The following SOX5 variants were observed in gnomAD, a reference collection of about 807,000 sequenced individuals.
SOX5 encodes transcription factor SOX-5.
In SOX5, 9 loss-of-function variants were observed where a neutral mutation model predicts 92.0. That is an observed-to-expected ratio of 0.10 (90% CI 0.06 to 0.17). SOX5 has a LOEUF of 0.17. SOX5 is among the 10% of genes least tolerant of loss of function. The pLI, the probability that SOX5 is intolerant of heterozygous loss-of-function variation, is 1.00. For missense variants in SOX5, 642 were observed against 944.5 expected, an observed-to-expected ratio of 0.68 and a Z score of 4.20; for synonymous variants, 344 against 336.3, an observed-to-expected ratio of 1.02 and a Z score of -0.25.
intron 1 of SOX5, among the ~76,000 whole-genome samples, chr12:24,493,174 T>C (rs1448248370): frequency 1.3e-5 from 2 of 152,144 alleles, no homozygotes; most frequent in Admixed American, 6.5e-5. Flanking sequence ...GGGATTTTAT[T>C]TATGGGTGGG....
intron 4 of SOX5, among the ~76,000 whole-genome samples, chr12:24,016,926 A>G (rs945910465): frequency 6.6e-6 from 1 of 152,198 alleles, no homozygotes. Flanking sequence ...AAACCACTTT[A>G]CTTTTCAGTT....
chr12:24,167,692 C>A (rs959221466), intron 4 of SOX5, among the ~76,000 whole-genome samples: 1 of 152,174 alleles, frequency 6.6e-6, no homozygotes, highest in Non-Finnish European at 1.5e-5. Flanking sequence ...AAAACAGCAA[C>A]GTATTATTCT....
At chr12:24,472,847 TACATAA>T (rs1944952992) in intron 1 of SOX5, among the ~76,000 whole-genome samples, 1 of 151,998 alleles carries the variant, frequency 6.6e-6, no homozygotes, top group South Asian at 2.1e-4. Flanking sequence ...AGCCATGAAC[TACATAA>T]ACATAATTTT....
intron 7 of SOX5, among the ~76,000 whole-genome samples, chr12:23,657,626 C>T (rs1199720887): frequency 6.6e-6 from 1 of 152,132 alleles, no homozygotes; most frequent in African/African-American, 2.4e-5. Flanking sequence ...TCTGGGCTTA[C>T]ACTTCAGGTT....
At chr12:24,136,973 G>A (rs1950162826) in intron 4 of SOX5, among the ~76,000 whole-genome samples, 1 of 152,076 alleles carries the variant, frequency 6.6e-6, no homozygotes, top group Admixed American at 6.5e-5. Context: ...CTCATACTGT[G>A]CTCCAAAAAT....
chr12:24,018,821 A>G (rs1426400386), intron 4 of SOX5, among the ~76,000 whole-genome samples: 2 of 152,112 alleles, frequency 1.3e-5, no homozygotes, highest in Non-Finnish European at 2.9e-5. Context: ...TAAATAAAAA[A>G]TAAAAGCAGA....
At chr12:23,755,870 G>GA (rs985523519) in intron 3 of SOX5, 146 bp from the exon 4 acceptor site, 20 of 532,474 alleles carry the variant, frequency 3.8e-5, no homozygotes, top group Non-Finnish European at 5.9e-5. Flanking sequence ...AACAGGGGTG[G>GA]AAAAAAAGAA....
chr12:24,545,005 T>C (rs775251133), intron 1 of SOX5, among the ~76,000 whole-genome samples: 1 of 152,228 alleles, frequency 6.6e-6, no homozygotes, highest in South Asian at 2.1e-4. Context: ...TAGAGTAATA[T>C]ATTTTTTATT....
At chr12:23,753,037 C>A (rs1293208472) in intron 4 of SOX5, among the ~76,000 whole-genome samples, 2 of 151,698 alleles carry the variant, frequency 1.3e-5, no homozygotes, top group Non-Finnish European at 2.9e-5. Flanking sequence ...AGTAGGTGAC[C>A]TTTACTAACT....
chr12:24,340,817 C>T (rs1251858675), intron 2 of SOX5, among the ~76,000 whole-genome samples: 1 of 152,162 alleles, frequency 6.6e-6, no homozygotes, highest in East Asian at 1.9e-4. Context: ...TTATTTTAAG[C>T]CCAGCAAGGG....
intron 2 of SOX5, among the ~76,000 whole-genome samples, chr12:23,891,696 G>A (rs868345440): frequency 6.6e-6 from 1 of 152,096 alleles, no homozygotes; most frequent in Non-Finnish European, 1.5e-5. Context: ...AAGAGAGAAT[G>A]TATTTCCTTA....
At chr12:24,506,784 C>CATTTTT (rs1390448641) in intron 1 of SOX5, among the ~76,000 whole-genome samples, 81 of 81,760 alleles carry the variant, frequency 9.9e-4, no homozygotes, top group African/African-American at 3.9e-3. Context: ...TCCAAATGGT[C>CATTTTT]TTTTTTTTTT....
chr12:23,899,511 GC>G (rs1244416005), intron 1 of SOX5, among the ~76,000 whole-genome samples: 1 of 152,046 alleles, frequency 6.6e-6, no homozygotes, highest in Non-Finnish European at 1.5e-5. Flanking sequence ...AACAATGTGA[GC>G]ATCTAGGCTG....
chr12:24,289,545 C>A (rs1946364047), intron 2 of SOX5, among the ~76,000 whole-genome samples: 1 of 121,544 alleles, frequency 8.2e-6, no homozygotes, highest in Non-Finnish European at 1.6e-5. Flanking sequence ...GCTCCGCCTC[C>A]CGGGTTCACG....
At chr12:23,971,026 T>C (rs1380155302) in intron 4 of SOX5, among the ~76,000 whole-genome samples, 3 of 147,480 alleles carry the variant, frequency 2.0e-5, no homozygotes, top group Non-Finnish European at 4.5e-5. Flanking sequence ...ACCTGAAATG[T>C]ATGAGGGCTC....
At chr12:24,011,820 T>C (rs186980218) in intron 4 of SOX5, among the ~76,000 whole-genome samples, 31 of 152,290 alleles carry the variant, frequency 2.0e-4, no homozygotes, top group Admixed American at 9.8e-4. Flanking sequence ...ACACTTATAC[T>C]AGGAGTCTTC....
intron 3 of SOX5, among the ~76,000 whole-genome samples, chr12:23,767,841 A>G (rs200376971): frequency 7.4e-6 from 1 of 135,188 alleles, no homozygotes; most frequent in Non-Finnish European, 1.6e-5. Flanking sequence ...ATATATATAT[A>G]TAATAAATGA....
At chr12:24,476,036 T>C (rs910050847) in intron 1 of SOX5, among the ~76,000 whole-genome samples, 5 of 147,158 alleles carry the variant, frequency 3.4e-5, no homozygotes, top group Non-Finnish European at 6.1e-5. Context: ...AATTTTACAA[T>C]CAACTCCTTG....
chr12:23,807,151 T>C (rs1342361710), intron 3 of SOX5, among the ~76,000 whole-genome samples: 2 of 152,202 alleles, frequency 1.3e-5, no homozygotes, highest in Non-Finnish European at 2.9e-5. Context: ...TTTAAACTCA[T>C]ACCGTGATTA....
Sources: allele counts gnomAD v4.1 joint callset (sites outside exome capture counted in the v4.1 genomes callset), GRCh38; gene constraint gnomAD v4.1.1; transcripts MANE v1.5; gene names NCBI Gene and HGNC (gene_info 2026-07-23, HGNC 2026-07-21).